PKD1L1: variants seen among roughly 807,000 people sequenced by gnomAD.
PKD1L1 encodes polycystin-1-like protein 1.
A neutral mutation model predicts 323.4 loss-of-function variants in PKD1L1; 236 were observed. The ratio of observed to expected loss-of-function variants is 0.73; its 90% CI spans 0.66 to 0.81. The LOEUF (loss-of-function observed/expected upper bound fraction) is 0.81, where lower values mean the gene tolerates loss of function less well. Ranked by LOEUF, PKD1L1 falls within the 40% of genes least tolerant of loss-of-function variation. PKD1L1 has a pLI of 0.00. For missense variants in PKD1L1, 3,320 were observed against 3,508.0 expected, an observed-to-expected ratio of 0.95 and a Z score of 1.35; for synonymous variants, 1,344 against 1,335.0, an observed-to-expected ratio of 1.01 and a Z score of -0.15.
intron 55 of PKD1L1, among the ~76,000 whole-genome samples, chr7:47,794,229 C>T (rs976419588): frequency 6.6e-6 from 1 of 152,184 alleles, no homozygotes; most frequent in South Asian, 2.1e-4. Flanking sequence ...GTCGCCAAGT[C>T]ATGTCAGAGA....
chr7:47,883,387 TC>T (rs1786608106), intron 19 of PKD1L1, among the ~76,000 whole-genome samples: 1 of 152,172 alleles, frequency 6.6e-6, no homozygotes, highest in East Asian at 1.9e-4. Context: ...AGGCCTAGGA[TC>T]TGCTGAAATT....
intron 7 of PKD1L1, 129 bp from the exon 8 acceptor site, chr7:47,915,728 G>A: frequency 1.8e-6 from 1 of 556,036 alleles, no homozygotes; most frequent in Non-Finnish European, 3.1e-6. Flanking sequence ...AACCAATTAA[G>A]GAAGGAAAAA....
chr7:47,912,890 GGAAAAAA>G (rs1787353145), intron 8 of PKD1L1, among the ~76,000 whole-genome samples: 1 of 151,876 alleles, frequency 6.6e-6, no homozygotes, highest in Non-Finnish European at 1.5e-5. Flanking sequence ...TCAATGACGG[GGAAAAAA>G]GAAGGCTGAC....
intron 54 of PKD1L1, among the ~76,000 whole-genome samples, chr7:47,797,977 G>A (rs566679467): frequency 1.3e-5 from 2 of 152,162 alleles, no homozygotes; most frequent in African/African-American, 4.8e-5. Flanking sequence ...CAGAATTCTA[G>A]GATCAAAAAA....
At chr7:47,908,791 G>A (rs906516865) in intron 8 of PKD1L1, among the ~76,000 whole-genome samples, 3 of 152,034 alleles carry the variant, frequency 2.0e-5, no homozygotes, top group Non-Finnish European at 4.4e-5. Context: ...CCTCGAATCA[G>A]TGCTAATCAT....
intron 21 of PKD1L1, among the ~76,000 whole-genome samples, chr7:47,878,107 C>A (rs1486742109): frequency 6.6e-6 from 1 of 152,148 alleles, no homozygotes. Flanking sequence ...TAGCCACATA[C>A]ACACGTACGT....
chr7:47,933,774 A>C (rs1166940384), intron 4 of PKD1L1, among the ~76,000 whole-genome samples: 1 of 152,182 alleles, frequency 6.6e-6, no homozygotes, highest in East Asian at 1.9e-4. Flanking sequence ...CAACCAGATA[A>C]GGACACGCGC....
intron 52 of PKD1L1, among the ~76,000 whole-genome samples, chr7:47,804,615 A>T (rs1784738297): frequency 6.6e-6 from 1 of 151,910 alleles, no homozygotes; most frequent in Non-Finnish European, 1.5e-5. Context: ...GGCTACAGGC[A>T]CATGCCACCA....
intron 3 of PKD1L1, among the ~76,000 whole-genome samples, chr7:47,938,962 A>T (rs1163444626): frequency 2.0e-5 from 3 of 152,232 alleles, no homozygotes; most frequent in Non-Finnish European, 4.4e-5. Context: ...TTCAAGAAGC[A>T]TGAGGTCTGT....
In PKD1L1 at chr7:47,794,371, C is replaced by A. The variant is rs544018776; in HGVS notation, c.8356-1574G>T. 8.5e-5 allele frequency among the ~76,000 whole-genome samples: 13 copies of A among 152,292 alleles called. No individual in the cohort carries two copies. The South Asian group carries it at 2.7e-3, about 32-fold the overall frequency. On this transcript the variant is annotated intron_variant, in intron 55 of 56. Coordinates refer to ENST00000289672, the MANE Select transcript of PKD1L1 (RefSeq NM_138295.5). ...TGCCCTGTGTCCCAGTTGCTCCAGCCATGGCCGAAAGGGGCCATTGTACAA... is the reference window on the plus strand; with the variant it reads ...TGCCCTGTGTCCCAGTTGCTCCAGCAATGGCCGAAAGGGGCCATTGTACAA...
At position 47,880,753 on chromosome 7, in the gene PKD1L1, C is replaced by G; in HGVS notation, c.3495G>C (p.Glu1165Asp). 1 of 1,608,772 alleles carries G rather than the reference C, an allele frequency of 6.2e-7. No individual in the cohort carries two copies. Among genetic ancestry groups the G allele is most frequent in the East Asian group, 2.2e-5 (1 of 44,450 alleles). The change falls in exon 21 of 57, where the codon GAG becomes GAC. Residue 1165 changes from glutamate (E) to aspartate (D), a missense_variant. Glu to Asp is a conservative substitution (Grantham distance 45). Transcript: ENST00000289672. ...CCACAGACACTTGCAGGACGTACGT[C>G]TCTCCACTGCTCAGAGAGTATGGCT... ...TIKPYSLSSG[E>D]TYVLQVSVAS...
intron 33 of PKD1L1, among the ~76,000 whole-genome samples, chr7:47,844,094 A>G: frequency 6.6e-6 from 1 of 152,162 alleles, no homozygotes; most frequent in East Asian, 1.9e-4. Context: ...GACATCTTCC[A>G]GGGCTGCTTC....
chr7:47,874,431 T>C (rs957382351), intron 23 of PKD1L1, among the ~76,000 whole-genome samples: 4 of 152,160 alleles, frequency 2.6e-5, no homozygotes, highest in South Asian at 2.1e-4. Context: ...AGGAACCACA[T>C]AGAAAGATCG....
At chr7:47,895,319 G>A (rs114459159) in intron 14 of PKD1L1, among the ~76,000 whole-genome samples, 2,556 of 152,280 alleles carry the variant, frequency 0.017, 77 homozygotes, top group African/African-American at 0.058. Flanking sequence ...AACCTCCTTC[G>A]GAGCTCCCAT....
chr7:47,913,409 G>A (rs541075487), intron 8 of PKD1L1, among the ~76,000 whole-genome samples: 2 of 152,294 alleles, frequency 1.3e-5, no homozygotes, highest in South Asian at 4.2e-4. Context: ...CAAATCTCAT[G>A]TCGAATTGCA....
chr7:47,879,761 A>G (rs58725055), intron 21 of PKD1L1, among the ~76,000 whole-genome samples: 48,794 of 138,418 alleles, frequency 0.35, 9,444 homozygotes, highest in African/African-American at 0.54. Flanking sequence ...GTGAAACCCC[A>G]TCTCTACTAA....
chr7:47,927,402 C>T (rs1182105425), intron 7 of PKD1L1, among the ~76,000 whole-genome samples: 1 of 152,046 alleles, frequency 6.6e-6, no homozygotes, highest in Admixed American at 6.6e-5. Context: ...CCCCAGCCTC[C>T]TAAGTAGGGC....
At position 47,835,115 on chromosome 7, in the gene PKD1L1, A is replaced by G; in HGVS notation, c.6054+18T>C. On this transcript the variant is annotated intron_variant, in intron 38 of 56. Transcript: ENST00000289672. Reference sequence around the variant, plus strand: ...GGCTGCTCAGGAGAACAGGGCCATGAGGACAAGTCGCAGGTACCTTGCTGA... The same window carrying G: ...GGCTGCTCAGGAGAACAGGGCCATGGGGACAAGTCGCAGGTACCTTGCTGA... 2 of 1,601,768 alleles carry G rather than the reference A, an allele frequency of 1.2e-6. No individual in the cohort carries two copies. Among genetic ancestry groups the G allele is most frequent in the Non-Finnish European group, 1.7e-6 (2 of 1,172,766 alleles).
intron 56 of PKD1L1, among the ~76,000 whole-genome samples, chr7:47,778,603 T>C (rs917090819): frequency 6.6e-6 from 1 of 152,188 alleles, no homozygotes; most frequent in Admixed American, 6.5e-5. Context: ...TGACCTATGA[T>C]TTACCAACTT....
Sources: allele counts gnomAD v4.1 joint callset (sites outside exome capture counted in the v4.1 genomes callset), GRCh38; gene constraint gnomAD v4.1.1; transcripts MANE v1.5; gene names NCBI Gene and HGNC (gene_info 2026-07-23, HGNC 2026-07-21).